C9: variants seen among roughly 807,000 people sequenced by gnomAD.
The protein encoded by C9 is complement component C9.
C9 carries 63 observed loss-of-function variants against 65.4 expected under a neutral mutation model. The observed-to-expected ratio is 0.96, with a 90% confidence interval of 0.79 to 1.19. The LOEUF (loss-of-function observed/expected upper bound fraction) is 1.19, where lower values mean the gene tolerates loss of function less well. C9 is among the 50% of genes most tolerant of loss of function. The pLI, the probability that C9 is intolerant of heterozygous loss-of-function variation, is 0.00. For synonymous variants in C9, 229 were observed against 227.9 expected (o/e 1.00, Z -0.04); for missense variants, 744 against 670.1 (o/e 1.11, Z -1.22).
intron 5 of C9, among the ~76,000 whole-genome samples, chr5:39,325,785 A>AAC (rs1197689358): frequency 1.3e-5 from 2 of 151,884 alleles, no homozygotes; most frequent in East Asian, 3.9e-4. Context: ...AAAAAAAAAA[A>AAC]AAAAAGATGC....
chr5:39,316,049 T>C lies in C9; in HGVS notation c.616-20A>G, dbSNP rs754889772. 5 of 1,601,022 alleles carry C rather than the reference T, an allele frequency of 3.1e-6. No individual in the cohort carries two copies. The highest frequency in any genetic ancestry group is 2.2e-5 in the South Asian group (2 of 90,004). ...TTTGGTCTAAAAGAGAATAAAAAAG[T>C]GTTGTTAAAAACAAGATACGAAACA... On this transcript the variant is annotated intron_variant, in intron 5 of 10. Transcript: ENST00000263408.
intron 9 of C9, among the ~76,000 whole-genome samples, chr5:39,290,391 G>C (rs1021772627): frequency 6.6e-5 from 10 of 151,714 alleles, no homozygotes; most frequent in African/African-American, 9.7e-5. Flanking sequence ...TTTGGTGGCA[G>C]AGCACTTTAA....
At chr5:39,331,040 T>C (rs1007436972) in intron 5 of C9, among the ~76,000 whole-genome samples, 1 of 152,200 alleles carries the variant, frequency 6.6e-6, no homozygotes, top group African/African-American at 2.4e-5. Context: ...CTTATTATTA[T>C]TCTTCATTAT....
chr5:39,347,403 G>A (rs1014898668), intron 1 of C9, among the ~76,000 whole-genome samples: 5 of 152,134 alleles, frequency 3.3e-5, no homozygotes, highest in Admixed American at 6.6e-5. Context: ...GCCAAATCAT[G>A]AGTGAACTCC....
At chr5:39,313,359 A>G (rs1753519775) in intron 6 of C9, among the ~76,000 whole-genome samples, 1 of 152,092 alleles carries the variant, frequency 6.6e-6, no homozygotes, top group Non-Finnish European at 1.5e-5. Flanking sequence ...ATAATCCTAA[A>G]GCCTATGATC....
At chr5:39,315,503 T>C (rs1753553457) in intron 6 of C9, among the ~76,000 whole-genome samples, 2 of 152,200 alleles carry the variant, frequency 1.3e-5, no homozygotes, top group African/African-American at 4.8e-5. Flanking sequence ...ATAAATTGAA[T>C]GGTATATTAC....
At position 39,310,299 on chromosome 5, in the gene C9, T is replaced by C. The variant is rs539011337; in HGVS notation, c.1111+838A>G. 2.6e-5 allele frequency among the ~76,000 whole-genome samples: 4 copies of C among 152,216 alleles called. No homozygotes were observed. The South Asian group carries it at 8.3e-4, about 32-fold the overall frequency. On this transcript the variant is annotated intron_variant, in intron 7 of 10. Transcript: ENST00000263408. Reference sequence around the variant, plus strand: ...TGGTTTTTAGCAACGCTTTCCTCCCTAAGAGACACACCTATAGTTACAAGG... The same window carrying C: ...TGGTTTTTAGCAACGCTTTCCTCCCCAAGAGACACACCTATAGTTACAAGG...
At chr5:39,340,336 G>A (rs906773944) in intron 4 of C9, among the ~76,000 whole-genome samples, 2 of 150,740 alleles carry the variant, frequency 1.3e-5, no homozygotes, top group Non-Finnish European at 3.0e-5. Flanking sequence ...GTCTTTGTTG[G>A]GGACAATTTT....
At chr5:39,309,742 C>T (rs1483749372) in intron 7 of C9, among the ~76,000 whole-genome samples, 1 of 152,122 alleles carries the variant, frequency 6.6e-6, no homozygotes, top group Non-Finnish European at 1.5e-5. Flanking sequence ...TGAGAAAGAG[C>T]ACTTCCTCTT....
intron 6 of C9, among the ~76,000 whole-genome samples, chr5:39,314,199 C>T (rs571131831): frequency 1.3e-5 from 2 of 152,210 alleles, no homozygotes; most frequent in Admixed American, 6.5e-5. Flanking sequence ...CCTGTAATCC[C>T]AGCACTTTGG....
intron 10 of C9, among the ~76,000 whole-genome samples, chr5:39,286,925 A>G (rs925233498): frequency 2.6e-5 from 4 of 152,002 alleles, no homozygotes; most frequent in African/African-American, 9.7e-5. Context: ...AAGAGATGAA[A>G]ATATGGTTGA....
intron 6 of C9, among the ~76,000 whole-genome samples, chr5:39,315,080 G>GA (rs1753547412): frequency 6.6e-6 from 1 of 152,120 alleles, no homozygotes; most frequent in Non-Finnish European, 1.5e-5. Context: ...GTAATGTACA[G>GA]ACCCATACAA....
rs550624256 is a variant in C9, at chr5:39,339,651, CTTTTTTTTT to C, written c.476+1486_476+1494del. ...GGTCTCCAGATACTGTCTTTTCTCTCTTTTTTTTTTTTTTTTTTTTTTTTTTGAGATGGA... is the reference window on the plus strand; with the variant it reads ...GGTCTCCAGATACTGTCTTTTCTCTCTTTTTTTTTTTTTTTTTGAGATGGA... On this transcript the variant is annotated intron_variant, in intron 4 of 10. Transcript: ENST00000263408. Among the ~76,000 whole-genome samples, 441 of 57,570 alleles carry C rather than the reference CTTTTTTTTT, an allele frequency of 7.7e-3. 3 individuals are homozygous for C. The highest frequency in any genetic ancestry group is 0.03 in the African/African-American group (404 of 13,640). The allele number at this position is 57,570 out of a possible 152,430, so 37.8% of individuals were successfully genotyped here.
At chr5:39,352,259 A>G (rs1479838207) in intron 1 of C9, among the ~76,000 whole-genome samples, 1 of 152,218 alleles carries the variant, frequency 6.6e-6, no homozygotes, top group Non-Finnish European at 1.5e-5. Flanking sequence ...ACACATGGGA[A>G]TTACAATTTG....
Position 39,359,078 on chromosome 5 carries a change from GTATATATATA to G in C9, c.77+5300_77+5309del, listed in dbSNP as rs751500923. On this transcript the variant is annotated intron_variant, in intron 1 of 10. Transcript: ENST00000263408. ...TATATGTGTATATATATATGTGTGT[GTATATATATA>G]TGTGTGTGTGTGTGTATATATATAT... is the stretch of plus-strand genomic sequence containing the variant. Among the ~76,000 whole-genome samples the G allele has an allele frequency of 2.4e-4, 28 of 116,916 alleles. No homozygotes were observed. In the East Asian group the frequency reaches 3.9e-3, roughly 16 times the overall value. The allele number at this position is 116,916 out of a possible 152,430, so 76.7% of individuals were successfully genotyped here. A position where few individuals can be genotyped will look rare whatever the true frequency, so the allele number is the denominator to read the frequency against.
At chr5:39,306,084 A>C (rs1340294420) in intron 9 of C9, among the ~76,000 whole-genome samples, 1 of 149,068 alleles carries the variant, frequency 6.7e-6, no homozygotes, top group Non-Finnish European at 1.5e-5. Flanking sequence ...AATCACTTGA[A>C]CTCGGAAGGC....
intron 5 of C9, among the ~76,000 whole-genome samples, chr5:39,328,758 C>T (rs1753793334): frequency 6.6e-6 from 1 of 152,034 alleles, no homozygotes; most frequent in Non-Finnish European, 1.5e-5. Flanking sequence ...GGTTAGACAA[C>T]TGTGATAAGA....
At chr5:39,363,381 A>G (rs1291241379) in intron 1 of C9, among the ~76,000 whole-genome samples, 1 of 152,200 alleles carries the variant, frequency 6.6e-6, no homozygotes, top group Non-Finnish European at 1.5e-5. Context: ...GCCCAGGCTG[A>G]ATGGCGGCCT....
At chr5:39,325,780 A>AAAG (rs1753739608) in intron 5 of C9, among the ~76,000 whole-genome samples, 1 of 151,884 alleles carries the variant, frequency 6.6e-6, no homozygotes, top group Non-Finnish European at 1.5e-5. Context: ...TCAAAAAAAA[A>AAAG]AAAAAAAAAA....
Sources: gnomAD v4.1 joint callset for allele counts (sites outside exome capture counted in the v4.1 genomes callset) on GRCh38, gnomAD v4.1.1 for gene constraint, MANE v1.5 for transcripts, NCBI Gene and HGNC (gene_info 2026-07-23, HGNC 2026-07-21) for gene names.